The following NCOA3 variants were observed in gnomAD, a reference collection of about 807,000 sequenced individuals.
NCOA3 encodes CBP-interacting protein.
NCOA3 carries 51 observed loss-of-function variants against 158.8 expected under a neutral mutation model. That is an observed-to-expected ratio of 0.32 (90% CI 0.26 to 0.41). The LOEUF (loss-of-function observed/expected upper bound fraction) is 0.41, where lower values mean the gene tolerates loss of function less well. Among genes scored for constraint, NCOA3 ranks in the 10% least tolerant of loss-of-function variants. The pLI, the probability that NCOA3 is intolerant of heterozygous loss-of-function variation, is 1.00. For synonymous variants in NCOA3, 537 were observed against 592.4 expected, an observed-to-expected ratio of 0.91 and a Z score of 1.36; for missense variants, 1,510 against 1,746.6, an observed-to-expected ratio of 0.86 and a Z score of 2.41.
At chr20:47,502,242 C>T (rs2146032009) in intron 1 of NCOA3, among the ~76,000 whole-genome samples, 1 of 152,272 alleles carries the variant, frequency 6.6e-6, no homozygotes, top group South Asian at 2.1e-4. Context: ...GGAGCTGAGA[C>T]GAAGCTGGGT....
At chr20:47,633,870 G>A in intron 9 of NCOA3, 178 bp from the exon 10 acceptor site, 1 of 850,340 alleles carries the variant, frequency 1.2e-6, no homozygotes, top group South Asian at 1.8e-5. Flanking sequence ...TTGTTGGTGA[G>A]GGGTAGGAAA....
At chr20:47,522,729 G>GGGA (rs2084364219) in intron 1 of NCOA3, among the ~76,000 whole-genome samples, 1 of 151,998 alleles carries the variant, frequency 6.6e-6, no homozygotes, top group South Asian at 2.1e-4. Flanking sequence ...GGATATGTGG[G>GGGA]GGAGGCCATG....
At chr20:47,584,497 G>A (rs2085503201) in intron 2 of NCOA3, among the ~76,000 whole-genome samples, 1 of 151,800 alleles carries the variant, frequency 6.6e-6, no homozygotes, top group East Asian at 1.9e-4. Context: ...GCGTGTGCCT[G>A]TAATCCCAGC....
chr20:47,611,707 G>A (rs35796475), intron 2 of NCOA3, among the ~76,000 whole-genome samples: 35,254 of 152,018 alleles, frequency 0.23, 4,283 homozygotes, highest in Middle Eastern at 0.3. Flanking sequence ...CAGGAGAATC[G>A]CTTGAATCTG....
chr20:47,635,778 A>G, intron 11 of NCOA3, 65 bp downstream of exon 11: 6 of 1,500,512 alleles, frequency 4.0e-6, no homozygotes, highest in Admixed American at 2.2e-5. Flanking sequence ...CCATACTACT[A>G]TAATTCTTGT....
intron 2 of NCOA3, among the ~76,000 whole-genome samples, chr20:47,583,851 A>G (rs981343675): frequency 2.0e-5 from 3 of 152,222 alleles, no homozygotes; most frequent in Non-Finnish European, 4.4e-5. Flanking sequence ...AGCACTAGAG[A>G]CACTGAGGTG....
chr20:47,647,949 C>G (rs2086718900), intron 18 of NCOA3, among the ~76,000 whole-genome samples: 1 of 137,170 alleles, frequency 7.3e-6, no homozygotes, highest in African/African-American at 2.8e-5. Context: ...GAGTCTTGCT[C>G]TGTCGCCCAG....
intron 2 of NCOA3, among the ~76,000 whole-genome samples, chr20:47,608,931 C>A (rs1052255251): frequency 9.8e-5 from 15 of 152,304 alleles, no homozygotes; most frequent in African/African-American, 3.6e-4. Context: ...GCTAACCAAT[C>A]TGAAGTTTGG....
chr20:47,558,126 C>T (rs2425969), intron 1 of NCOA3, among the ~76,000 whole-genome samples: 2,713 of 149,262 alleles, frequency 0.018, 87 homozygotes, highest in African/African-American at 0.063. Flanking sequence ...GGCGCAATCT[C>T]GGCTCACTGC....
chr20:47,613,655 G>T (rs1345053934), intron 2 of NCOA3, among the ~76,000 whole-genome samples: 4 of 152,156 alleles, frequency 2.6e-5, no homozygotes, highest in African/African-American at 9.7e-5. Flanking sequence ...GCTCACGCCT[G>T]TAATCCCAGC....
chr20:47,519,477 C>T (rs1240492402), intron 1 of NCOA3, among the ~76,000 whole-genome samples: 1 of 152,056 alleles, frequency 6.6e-6, no homozygotes, highest in Non-Finnish European at 1.5e-5. Context: ...TGGTAATTTA[C>T]CTACATTAGA....
intron 1 of NCOA3, among the ~76,000 whole-genome samples, chr20:47,521,781 C>G (rs2084338757): frequency 6.6e-6 from 1 of 152,202 alleles, no homozygotes; most frequent in African/African-American, 2.4e-5. Flanking sequence ...ATATCCAACA[C>G]TCAGGCACCA....
chr20:47,534,031 G>A (rs967015473), intron 1 of NCOA3, among the ~76,000 whole-genome samples: 1 of 150,154 alleles, frequency 6.7e-6, no homozygotes, highest in African/African-American at 2.4e-5. Context: ...TATGGCAAGA[G>A]AGGTGATAAG....
chr20:47,582,165 A>T (rs1028247052), intron 1 of NCOA3, among the ~76,000 whole-genome samples: 4 of 152,114 alleles, frequency 2.6e-5, no homozygotes, highest in Admixed American at 2.6e-4. Context: ...GTGACAGAGT[A>T]CATATTATAT....
At chr20:47,603,500 G>A (rs574594123) in intron 2 of NCOA3, among the ~76,000 whole-genome samples, 1 of 152,332 alleles carries the variant, frequency 6.6e-6, no homozygotes, top group African/African-American at 2.4e-5. Context: ...TTGCTTTGCC[G>A]ACCATGGACG....
rs967731677 is a variant in NCOA3 at position 47,635,381 on chromosome 20, T to C, written c.1172T>C (p.Met391Thr). The C allele has an allele frequency of 3.1e-6, 5 of 1,613,892 alleles. No homozygotes were observed. Among genetic ancestry groups the C allele is most frequent in the Non-Finnish European group, 3.4e-6 (4 of 1,179,876 alleles). The change falls in exon 11 of 23, where the codon ATG (methionine) becomes ACG (threonine). Residue 391 changes from methionine to threonine, a missense_variant. Physicochemically the swap from Met to Thr is moderately conservative, Grantham distance 81. This residue lies in a region of NCOA3 where 1,017 missense variants were observed against 1,098.3 expected (regional missense o/e 0.93). Transcript: ENST00000371998. ...GTTGGACAAGGGATTAGACCACCTATGGCTGGATGCAACAGTTCGGTAGGC... is the reference window on the plus strand; with the variant it reads ...GTTGGACAAGGGATTAGACCACCTACGGCTGGATGCAACAGTTCGGTAGGC... ...NPVGQGIRPP[M>T]AGCNSSVGGM...
chr20:47,576,395 A>G (rs2085372289), intron 1 of NCOA3, among the ~76,000 whole-genome samples: 1 of 152,170 alleles, frequency 6.6e-6, no homozygotes, highest in African/African-American at 2.4e-5. Flanking sequence ...ATGGAGGAAA[A>G]TCCATCTCCT....
At chr20:47,584,518 G>T (rs1357909142) in intron 2 of NCOA3, among the ~76,000 whole-genome samples, 2 of 151,664 alleles carry the variant, frequency 1.3e-5, no homozygotes, top group African/African-American at 4.9e-5. Flanking sequence ...TACTCGAAAA[G>T]CTGAGGCAGG....
intron 1 of NCOA3, among the ~76,000 whole-genome samples, chr20:47,550,909 C>G (rs79703128): frequency 6.6e-6 from 1 of 152,098 alleles, no homozygotes; most frequent in African/African-American, 2.4e-5. Flanking sequence ...TGAACAATTA[C>G]ATCCTAATAA....
Sources: allele counts gnomAD v4.1 joint callset (sites outside exome capture counted in the v4.1 genomes callset), GRCh38; gene constraint gnomAD v4.1.1; regional missense constraint gnomAD v4.1.1; transcripts MANE v1.5; gene names NCBI Gene and HGNC (gene_info 2026-07-23, HGNC 2026-07-21).